The following HMCN1 variants were observed in gnomAD, a reference collection of about 807,000 sequenced individuals.
HMCN1 encodes hemicentin-1.
In HMCN1, 321 loss-of-function variants were observed where a neutral mutation model predicts 625.9. The observed-to-expected ratio is 0.51, with a 90% CI of 0.47 to 0.56. The LOEUF is 0.56. HMCN1 is among the 20% of genes least tolerant of loss of function. The pLI, the probability that HMCN1 is intolerant of heterozygous loss-of-function variation, is 0.00. For missense variants in HMCN1, 6,588 were observed against 6,887.3 expected (o/e 0.96, Z 1.54); for synonymous variants, 2,425 against 2,417.6 (o/e 1.00, Z -0.09).
At chr1:185,822,822 T>C (rs995376244) in intron 1 of HMCN1, among the ~76,000 whole-genome samples, 5 of 152,112 alleles carry the variant, frequency 3.3e-5, no homozygotes, top group African/African-American at 1.2e-4. Flanking sequence ...ATCCCTGTTT[T>C]GGGCAGGAAG....
chr1:186,127,125 G>C (rs1661686910), intron 82 of HMCN1, among the ~76,000 whole-genome samples: 1 of 152,106 alleles, frequency 6.6e-6, no homozygotes, highest in South Asian at 2.1e-4. Flanking sequence ...ACAATTGGAA[G>C]GGTGAAATAG....
At chr1:185,783,454 G>GT (rs1183464465) in intron 1 of HMCN1, among the ~76,000 whole-genome samples, 1 of 149,400 alleles carries the variant, frequency 6.7e-6, no homozygotes, top group East Asian at 1.9e-4. Context: ...TTTCTGCTCT[G>GT]TTTTTTCCCC....
At chr1:185,962,070 CAAAT>C (rs1259702491) in intron 11 of HMCN1, among the ~76,000 whole-genome samples, 3 of 152,034 alleles carry the variant, frequency 2.0e-5, no homozygotes, top group Admixed American at 6.6e-5. Context: ...AAGTTATGAT[CAAAT>C]AAATAAAAAG....
chr1:186,082,860 C>G lies in HMCN1; in HGVS notation c.8788-5C>G. 6.5e-7 allele frequency: 1 copy of G among 1,547,226 alleles called. No individual in the cohort carries two copies. The highest frequency in any genetic ancestry group is 8.8e-7 in the Non-Finnish European group (1 of 1,139,016). On this transcript the variant is annotated splice_region_variant and splice_polypyrimidine_tract_variant and intron_variant, in intron 56 of 106. Transcript: ENST00000271588. ...TTATTTGGAATTTCTTCATTTTTCC[C>G]TTAGATTCTGAATACTCAAATAACA...
Position 186,178,757 on chromosome 1 carries a change from A to C in HMCN1, c.16285A>C (p.Thr5429Pro). 2 of 1,604,008 alleles carry C rather than the reference A, an allele frequency of 1.2e-6. No homozygotes were observed. Among genetic ancestry groups the C allele is most frequent in the Non-Finnish European group, 1.7e-6 (2 of 1,170,812 alleles). The change falls in exon 104 of 107, where the codon ACA (threonine) becomes CCA (proline). Residue 5429 changes from threonine (T) to proline (P), a missense_variant. This residue lies in a region of HMCN1 where 1,954 missense variants were observed against 2,013.1 expected (regional missense o/e 0.97). Coordinates refer to ENST00000271588, the MANE Select transcript of HMCN1 (RefSeq NM_031935.3). Reference sequence around the variant, plus strand: ...TGAAGGCTCTGAGGCAAGCCATGACACATGTGTAGGTAAATGTCAGCCATA... The same window carrying C: ...TGAAGGCTCTGAGGCAAGCCATGACCCATGTGTAGGTAAATGTCAGCCATA... ...CPEGSEASHD[T>P]CVDIDECENT...
At chr1:185,751,515 G>T (rs1654814175) in intron 1 of HMCN1, among the ~76,000 whole-genome samples, 1 of 151,840 alleles carries the variant, frequency 6.6e-6, no homozygotes, top group African/African-American at 2.4e-5. Context: ...CCTGGAACCT[G>T]GTTTGCCTCC....
At chr1:185,749,611 T>C (rs1277434786) in intron 1 of HMCN1, among the ~76,000 whole-genome samples, 3 of 152,136 alleles carry the variant, frequency 2.0e-5, no homozygotes, top group Non-Finnish European at 4.4e-5. Context: ...TCTTTTTCTT[T>C]CACACCCCAC....
At chr1:185,780,004 G>C (rs1320775114) in intron 1 of HMCN1, among the ~76,000 whole-genome samples, 1 of 152,144 alleles carries the variant, frequency 6.6e-6, no homozygotes, top group Non-Finnish European at 1.5e-5. Context: ...CCATTTGTTT[G>C]TGTCCTCTTT....
At chr1:186,103,912 A>C (rs1194371381) in intron 69 of HMCN1, among the ~76,000 whole-genome samples, 2 of 152,172 alleles carry the variant, frequency 1.3e-5, no homozygotes, top group Non-Finnish European at 2.9e-5. Flanking sequence ...AAGTTTTCAC[A>C]GTGCTATAAG....
intron 1 of HMCN1, among the ~76,000 whole-genome samples, chr1:185,756,930 G>A (rs560543418): frequency 6.6e-6 from 1 of 151,390 alleles, no homozygotes; most frequent in African/African-American, 2.4e-5. Flanking sequence ...TTTAAAAATT[G>A]CATCATCTGT....
intron 1 of HMCN1, among the ~76,000 whole-genome samples, chr1:185,786,562 G>A (rs2102189343): frequency 6.6e-6 from 1 of 152,208 alleles, no homozygotes; most frequent in South Asian, 2.1e-4. Context: ...CTGTCCTATG[G>A]TTTAGACTGG....
At chr1:185,867,150 T>C (rs910618896) in intron 4 of HMCN1, among the ~76,000 whole-genome samples, 2 of 152,336 alleles carry the variant, frequency 1.3e-5, no homozygotes, top group South Asian at 2.1e-4. Context: ...TTGAAATAGA[T>C]AGATTTATAA....
rs1160639880 is a variant in HMCN1, at chr1:186,123,174, C to A, written c.12453C>A (p.Ala4151=). ...CTGGCCATTACACGTGCATGGCAGC[C>A]AATGTAGCAGGATCAAGCAGCACAA... ...GDAGHYTCMA[A]NVAGSSSTST... Residue 4151 remains alanine (A), a synonymous_variant, in exon 81 of 107, where the codon GCC becomes GCA. Transcript: ENST00000271588. The A allele has an allele frequency of 1.2e-6, 2 of 1,613,832 alleles. No individual in the cohort carries two copies. Among genetic ancestry groups the A allele is most frequent in the Non-Finnish European group, 1.7e-6 (2 of 1,179,958 alleles).
intron 71 of HMCN1, 21 bp downstream of exon 71, chr1:186,108,618 C>T (rs777790389): frequency 1.2e-6 from 2 of 1,613,872 alleles, no homozygotes. Context: ...TGATAAGCTC[C>T]ACAAATTCCT....
intron 1 of HMCN1, among the ~76,000 whole-genome samples, chr1:185,777,445 GCTTT>G (rs1184776715): frequency 1.3e-5 from 2 of 151,620 alleles, no homozygotes; most frequent in African/African-American, 2.4e-5. Flanking sequence ...CACTATGCTT[GCTTT>G]CTTTTTCTTT....
At chr1:185,899,515 AC>A (rs1321453785) in intron 4 of HMCN1, among the ~76,000 whole-genome samples, 1 of 152,122 alleles carries the variant, frequency 6.6e-6, no homozygotes. Flanking sequence ...ACTTGAGGTA[AC>A]TCTTTATAAT....
At chr1:185,998,755 A>G (rs1040966089) in intron 25 of HMCN1, among the ~76,000 whole-genome samples, 2 of 152,128 alleles carry the variant, frequency 1.3e-5, no homozygotes, top group Admixed American at 6.6e-5. Context: ...ATCTTTTACT[A>G]TGATTTTCAT....
intron 2 of HMCN1, among the ~76,000 whole-genome samples, chr1:185,855,122 G>A (rs1347887192): frequency 6.6e-6 from 1 of 152,100 alleles, no homozygotes; most frequent in Admixed American, 6.6e-5. Flanking sequence ...CTTCCTCCTC[G>A]AATAAGCAAA....
At chr1:186,171,933 A>G (rs1558279997) in intron 101 of HMCN1, 73 bp from the exon 102 acceptor site, 1 of 1,470,772 alleles carries the variant, frequency 6.8e-7, no homozygotes, top group African/African-American at 1.4e-5. Flanking sequence ...CCTAAAATCC[A>G]AAAGTATGAT....
Sources: gnomAD v4.1 joint callset for allele counts (sites outside exome capture counted in the v4.1 genomes callset) on GRCh38, gnomAD v4.1.1 for gene constraint, gnomAD v4.1.1 regional missense constraint, MANE v1.5 for transcripts, NCBI Gene and HGNC (gene_info 2026-07-23, HGNC 2026-07-21) for gene names.